Variants in SPTBN4 observed in about 807,000 individuals in gnomAD.
The protein encoded by SPTBN4 is spectrin beta chain, non-erythrocytic 4.
Under a neutral mutation model 277.8 loss-of-function variants are expected in SPTBN4, and 96 were observed. The observed-to-expected ratio is 0.35, with a 90% confidence interval of 0.29 to 0.41. The LOEUF (loss-of-function observed/expected upper bound fraction) is 0.41, where lower values mean the gene tolerates loss of function less well. Among genes scored for constraint, SPTBN4 ranks in the 10% least tolerant of loss-of-function variants. The pLI, the probability that SPTBN4 is intolerant of heterozygous loss-of-function variation, is 1.00. For missense variants in SPTBN4, 3,006 were observed against 3,595.7 expected (o/e 0.84, Z 4.19); for synonymous variants, 1,481 against 1,580.3 (o/e 0.94, Z 1.49).
intron 5 of SPTBN4, among the ~76,000 whole-genome samples, chr19:40,493,848 C>G (rs1376286596): frequency 6.6e-6 from 1 of 152,216 alleles, no homozygotes; most frequent in African/African-American, 2.4e-5. Context: ...TCTCTTCTCT[C>G]TCTCCCCCAT....
chr19:40,493,191 T>G, intron 5 of SPTBN4, 137 bp downstream of exon 5: 2 of 659,054 alleles, frequency 3.0e-6, no homozygotes, highest in Non-Finnish European at 5.3e-6. Context: ...AACCAGCTGG[T>G]AAATAAAATA....
At chr19:40,480,644 C>T (rs1224088655) in intron 2 of SPTBN4, among the ~76,000 whole-genome samples, 1 of 152,152 alleles carries the variant, frequency 6.6e-6, no homozygotes, top group Non-Finnish European at 1.5e-5. Flanking sequence ...CCATGTCTCC[C>T]TGTGCTTGTG....
chr19:40,509,408 GC>G (rs199682862), intron 13 of SPTBN4, among the ~76,000 whole-genome samples: 1,902 of 152,138 alleles, frequency 0.013, 38 homozygotes, highest in African/African-American at 0.042. Flanking sequence ...ACCATGTCCG[GC>G]TAATTTTGTA....
rs1004134595 is a variant in SPTBN4 at position 40,512,743 on chromosome 19, G to A, written c.1954G>A (p.Glu652Lys). The change falls in exon 14 of 36, where the codon GAG becomes AAG. Residue 652 changes from glutamate (E) to lysine (K), a missense_variant. Coordinates refer to ENST00000598249, the MANE Select transcript of SPTBN4 (RefSeq NM_020971.3). ...GCGGAGCCTGTGGGCGCTGCTGCAGGAGCTGGAGGAGGCCGAGAGCTGGGC... is the reference window on the plus strand; with the variant it reads ...GCGGAGCCTGTGGGCGCTGCTGCAGAAGCTGGAGGAGGCCGAGAGCTGGGC... ...ASRSLWALLQ[E>K]LEEAESWARD... 2.6e-6 allele frequency: 4 copies of A among 1,520,034 alleles called. No homozygotes were observed. Among genetic ancestry groups the A allele is most frequent in the Non-Finnish European group, 3.5e-6 (4 of 1,141,322 alleles). 94.2% of individuals were successfully genotyped at this position (1,520,034 alleles called of 1,614,324 possible). A position where few individuals can be genotyped will look rare whatever the true frequency, so the allele number is the denominator to read the frequency against.
intron 32 of SPTBN4, 64 bp downstream of exon 32, chr19:40,569,790 T>A (rs1568381865): frequency 1.3e-6 from 2 of 1,501,604 alleles, no homozygotes; most frequent in Non-Finnish European, 1.8e-6. Flanking sequence ...AGGCAGGATC[T>A]CAGAAACAGC....
intron 2 of SPTBN4, among the ~76,000 whole-genome samples, chr19:40,484,650 A>G (rs909212156): frequency 3.3e-5 from 5 of 152,070 alleles, no homozygotes; most frequent in African/African-American, 4.8e-5. Flanking sequence ...ATTTTTGGCC[A>G]GGCGAGGTGG....
chr19:40,539,770 G>A (rs562600490), intron 20 of SPTBN4, among the ~76,000 whole-genome samples: 49 of 151,836 alleles, frequency 3.2e-4, no homozygotes, highest in Admixed American at 2.0e-3. Context: ...ATGAGCCACC[G>A]CGCCTGGCTG....
chr19:40,537,929 A>G (rs947510863), intron 20 of SPTBN4, among the ~76,000 whole-genome samples: 5 of 152,366 alleles, frequency 3.3e-5, no homozygotes, highest in Middle Eastern at 3.4e-3. Flanking sequence ...GAGTTTCTTG[A>G]CAAAGGTGTG....
intron 2 of SPTBN4, among the ~76,000 whole-genome samples, chr19:40,485,575 G>T (rs189255867): frequency 6.6e-6 from 1 of 152,152 alleles, no homozygotes; most frequent in African/African-American, 2.4e-5. Context: ...GGAAGCGTAC[G>T]TGGGAGGATT....
intron 17 of SPTBN4, 75 bp from the exon 18 acceptor site, chr19:40,528,966 C>T: frequency 9.0e-7 from 1 of 1,108,886 alleles, no homozygotes. Flanking sequence ...CAGCCCAGTG[C>T]CCTCACAGTC....
intron 2 of SPTBN4, among the ~76,000 whole-genome samples, chr19:40,480,529 G>C (rs1195358616): frequency 6.6e-6 from 1 of 152,154 alleles, no homozygotes; most frequent in Non-Finnish European, 1.5e-5. Context: ...TAACAGCTCA[G>C]CTTCATTTTG....
At chr19:40,573,345 G>A (rs1431044012) in intron 35 of SPTBN4, among the ~76,000 whole-genome samples, 2 of 152,140 alleles carry the variant, frequency 1.3e-5, no homozygotes, top group Non-Finnish European at 2.9e-5. Flanking sequence ...CTAGGTAGAG[G>A]GAACTGCAAG....
chr19:40,530,079 C>T (rs1366426370), intron 18 of SPTBN4, among the ~76,000 whole-genome samples: 1 of 152,148 alleles, frequency 6.6e-6, no homozygotes, highest in Admixed American at 6.5e-5. Context: ...CCCTCGCCCC[C>T]ACTGGAGATT....
intron 13 of SPTBN4, among the ~76,000 whole-genome samples, chr19:40,511,420 A>G (rs762198622): frequency 2.0e-5 from 3 of 152,138 alleles, no homozygotes; most frequent in Non-Finnish European, 2.9e-5. Context: ...TCAAACAAAC[A>G]AACAATACCA....
At chr19:40,500,854 GAAAGAA>G (rs1377271211) in intron 7 of SPTBN4, among the ~76,000 whole-genome samples, 1 of 149,502 alleles carries the variant, frequency 6.7e-6, no homozygotes, top group African/African-American at 2.5e-5. Context: ...CAAAAAAAAA[GAAAGAA>G]AAAGAAAAGA....
At chr19:40,527,752 G>A (rs879720189) in intron 17 of SPTBN4, among the ~76,000 whole-genome samples, 1 of 152,068 alleles carries the variant, frequency 6.6e-6, no homozygotes, top group Non-Finnish European at 1.5e-5. Flanking sequence ...GTGGGGCCTG[G>A]TAGGTCAGAA....
At chr19:40,565,209 G>A (rs1166682492) in intron 27 of SPTBN4, among the ~76,000 whole-genome samples, 1 of 151,806 alleles carries the variant, frequency 6.6e-6, no homozygotes, top group Non-Finnish European at 1.5e-5. Flanking sequence ...AGTTTGCAGT[G>A]AGCCGAGATC....
Position 40,552,877 on chromosome 19 carries a change from T to C in SPTBN4, c.4675-1270T>C, listed in dbSNP as rs184633681. 1.6e-4 allele frequency among the ~76,000 whole-genome samples: 24 copies of C among 152,276 alleles called. No homozygotes were observed. The East Asian group carries it at 4.2e-3, about 27-fold the overall frequency. On this transcript the variant is annotated intron_variant, in intron 22 of 35. Coordinates refer to ENST00000598249, the MANE Select transcript of SPTBN4 (RefSeq NM_020971.3). ...CTGTGTGTGCAGTGAGAGTGCTGGA[T>C]ACACAGGGGCTGTTAAGCCAAAAAT...
chr19:40,560,065 A>G lies in SPTBN4; in HGVS notation c.5671-94A>G. On this transcript the variant is annotated intron_variant, in intron 26 of 35. Transcript: ENST00000598249. The surrounding 1 kb of genome is among the most constrained non-coding windows in gnomAD (Gnocchi z 5.2). The stretch of plus-strand genomic sequence containing the variant: ...GTGGGATCACAGTGTGAGGCTCCTT[A>G]TATCTTGAGGTTCTGCGCTGGAGCA... 3.4e-6 allele frequency: 5 copies of G among 1,451,946 alleles called. No homozygotes were observed. The highest frequency in any genetic ancestry group is 4.5e-6 in the Non-Finnish European group (5 of 1,106,856). 89.9% of individuals were successfully genotyped at this position (1,451,946 alleles called of 1,614,324 possible).
Sources: allele counts gnomAD v4.1 joint callset (sites outside exome capture counted in the v4.1 genomes callset), GRCh38; gene constraint gnomAD v4.1.1; non-coding constraint Gnocchi (gnomAD v3.1); transcripts MANE v1.5; gene names NCBI Gene and HGNC (gene_info 2026-07-23, HGNC 2026-07-21).